The following PTPRN2 variants were observed in gnomAD, a reference collection of about 807,000 sequenced individuals.
PTPRN2 encodes the protein receptor-type tyrosine-protein phosphatase N2.
PTPRN2 carries 74 observed loss-of-function variants against 118.8 expected under a neutral mutation model. The ratio of observed to expected loss-of-function variants is 0.62; its 90% CI spans 0.52 to 0.76. The LOEUF (loss-of-function observed/expected upper bound fraction) is 0.76, where lower values mean the gene tolerates loss of function less well. Ranked by LOEUF, PTPRN2 falls within the 30% of genes least tolerant of loss-of-function variation. The probability of loss-of-function intolerance (pLI) is 0.00; values close to 1 mark genes in which losing one functional copy is unlikely to be tolerated. For missense variants in PTPRN2, 1,481 were observed against 1,394.4 expected (o/e 1.06, Z -0.99); for synonymous variants, 641 against 608.0 (o/e 1.05, Z -0.80).
intron 12 of PTPRN2, among the ~76,000 whole-genome samples, chr7:157,823,654 T>C (rs1211689504): frequency 1.3e-5 from 2 of 152,226 alleles, no homozygotes; most frequent in Non-Finnish European, 2.9e-5. Flanking sequence ...GGTTAGATCA[T>C]CAAGTTCATA....
chr7:157,774,188 A>G (rs1803051762), intron 12 of PTPRN2, among the ~76,000 whole-genome samples: 1 of 152,238 alleles, frequency 6.6e-6, no homozygotes, highest in Non-Finnish European at 1.5e-5. Flanking sequence ...ATATGACAAA[A>G]ACAGACAATC....
At chr7:158,131,571 G>A (rs1021541579) in intron 9 of PTPRN2, among the ~76,000 whole-genome samples, 4 of 132,842 alleles carry the variant, frequency 3.0e-5, no homozygotes, top group Admixed American at 1.5e-4. Flanking sequence ...ACAGCTACCC[G>A]ACATACACAC....
intron 21 of PTPRN2, among the ~76,000 whole-genome samples, chr7:157,567,930 C>T (rs1036996191): frequency 3.3e-5 from 5 of 152,168 alleles, no homozygotes; most frequent in Admixed American, 3.3e-4. Context: ...TGCACACCTG[C>T]CCTGTGATGC....
intron 12 of PTPRN2, among the ~76,000 whole-genome samples, chr7:157,692,245 C>T (rs1585247973): frequency 6.6e-6 from 1 of 152,042 alleles, no homozygotes; most frequent in African/African-American, 2.4e-5. Context: ...ACCCGGCTGC[C>T]CGCGGCGCCC....
At chr7:157,726,670 C>G (rs1419879) in intron 12 of PTPRN2, among the ~76,000 whole-genome samples, 22,845 of 152,242 alleles carry the variant, frequency 0.15, 2,115 homozygotes, top group East Asian at 0.45. Context: ...TGATGACACT[C>G]AAAACGTTTG....
At chr7:157,957,319 T>A (rs1193031707) in intron 11 of PTPRN2, among the ~76,000 whole-genome samples, 1 of 152,172 alleles carries the variant, frequency 6.6e-6, no homozygotes, top group African/African-American at 2.4e-5. Flanking sequence ...ATTTTTGGCA[T>A]CTAGGACTTA....
chr7:158,504,516 A>G (rs989531947), intron 1 of PTPRN2, among the ~76,000 whole-genome samples: 2 of 152,204 alleles, frequency 1.3e-5, no homozygotes, highest in African/African-American at 2.4e-5. Context: ...TGTCCCTGCA[A>G]AGGACATGAT....
At position 158,097,505 on chromosome 7, in the gene PTPRN2, C is replaced by T. The variant is rs540919700; in HGVS notation, c.1643+13324G>A. On this transcript the variant is annotated intron_variant, in intron 10 of 22. Transcript: ENST00000389418. Reference sequence around the variant, plus strand: ...GTGCCCCGAATGCCCCGGCGGTCCTCGTGGCTGATGTGGGAGCTCCACCGA... The same window carrying T: ...GTGCCCCGAATGCCCCGGCGGTCCTTGTGGCTGATGTGGGAGCTCCACCGA... 5.3e-5 allele frequency among the ~76,000 whole-genome samples: 8 copies of T among 152,348 alleles called. No homozygotes were observed. In the South Asian group the frequency reaches 1.5e-3, roughly 28 times the overall value.
At chr7:157,645,600 C>T (rs564824037) in intron 14 of PTPRN2, among the ~76,000 whole-genome samples, 23 of 152,358 alleles carry the variant, frequency 1.5e-4, no homozygotes, top group South Asian at 8.3e-4. Flanking sequence ...AATTTCTGTG[C>T]GTCCAATAAC....
At chr7:158,023,172 A>C (rs1024107017) in intron 11 of PTPRN2, among the ~76,000 whole-genome samples, 5 of 152,180 alleles carry the variant, frequency 3.3e-5, no homozygotes, top group Non-Finnish European at 2.9e-5. Context: ...GAATTCACCT[A>C]AGCCCATGTC....
intron 2 of PTPRN2, among the ~76,000 whole-genome samples, chr7:158,417,202 G>T (rs533875063): frequency 6.6e-6 from 1 of 152,114 alleles, no homozygotes; most frequent in African/African-American, 2.4e-5. Context: ...GCTGTGTTAA[G>T]TCACAGTGCA....
At chr7:157,778,915 C>T (rs937291348) in intron 12 of PTPRN2, among the ~76,000 whole-genome samples, 1 of 152,212 alleles carries the variant, frequency 6.6e-6, no homozygotes, top group Non-Finnish European at 1.5e-5. Flanking sequence ...CTGGACAGAC[C>T]ACATTCTGAA....
At chr7:158,372,893 C>T (rs951185785) in intron 2 of PTPRN2, among the ~76,000 whole-genome samples, 1 of 152,234 alleles carries the variant, frequency 6.6e-6, no homozygotes, top group African/African-American at 2.4e-5. Flanking sequence ...AGGGTCCAAG[C>T]AGCCACATAG....
chr7:158,113,771 C>T (rs966179922), intron 9 of PTPRN2, among the ~76,000 whole-genome samples: 4 of 135,956 alleles, frequency 2.9e-5, no homozygotes, highest in Non-Finnish European at 3.5e-5. Context: ...CTGATGGCGT[C>T]GACGCTACAA....
intron 11 of PTPRN2, among the ~76,000 whole-genome samples, chr7:157,993,940 G>C (rs1289606682): frequency 6.6e-6 from 1 of 152,122 alleles, no homozygotes; most frequent in Admixed American, 6.5e-5. Context: ...CCCTGCGCCC[G>C]TGTCTGGAGT....
chr7:158,091,244 C>T (rs371639343), intron 10 of PTPRN2, among the ~76,000 whole-genome samples: 2 of 152,002 alleles, frequency 1.3e-5, no homozygotes, highest in Non-Finnish European at 2.9e-5. Flanking sequence ...GTTTGTAGTC[C>T]GTTTAAATAA....
At chr7:157,997,629 G>A (rs962283778) in intron 11 of PTPRN2, among the ~76,000 whole-genome samples, 1 of 151,850 alleles carries the variant, frequency 6.6e-6, no homozygotes, top group African/African-American at 2.4e-5. Context: ...AGATAAACGT[G>A]GGGGGAGGCA....
intron 1 of PTPRN2, among the ~76,000 whole-genome samples, chr7:158,510,244 TC>T (rs1347033674): frequency 6.6e-6 from 1 of 152,212 alleles, no homozygotes; most frequent in Non-Finnish European, 1.5e-5. Context: ...CCTCGGCTTC[TC>T]CCTCTTGGGT....
intron 3 of PTPRN2, among the ~76,000 whole-genome samples, chr7:158,312,074 C>T (rs1242266824): frequency 8.8e-6 from 1 of 113,420 alleles, no homozygotes; most frequent in African/African-American, 3.2e-5. Context: ...TAGACACACA[C>T]ACGTGCACTC....
Sources: allele counts gnomAD v4.1 joint callset (sites outside exome capture counted in the v4.1 genomes callset), GRCh38; gene constraint gnomAD v4.1.1; transcripts MANE v1.5; gene names NCBI Gene and HGNC (gene_info 2026-07-23, HGNC 2026-07-21).